Variants in ADAMTS17 observed in about 807,000 individuals in gnomAD.
ADAMTS17 encodes the protein A disintegrin and metalloproteinase with thrombospondin motifs 17.
A neutral mutation model predicts 141.5 loss-of-function variants in ADAMTS17; 113 were observed. That is an observed-to-expected ratio of 0.80 (90% CI 0.69 to 0.93). The LOEUF is 0.93. Ranked by LOEUF, ADAMTS17 falls within the 40% of genes least tolerant of loss-of-function variation. The pLI is 0.00. For missense variants in ADAMTS17, 1,659 were observed against 1,517.9 expected (o/e 1.09, Z -1.54); for synonymous variants, 768 against 630.6 (o/e 1.22, Z -3.27).
intron 8 of ADAMTS17, among the ~76,000 whole-genome samples, chr15:100,197,093 G>A (rs1206418393): frequency 6.6e-6 from 1 of 152,292 alleles, no homozygotes; most frequent in Non-Finnish European, 1.5e-5. Flanking sequence ...GCAGACCTCC[G>A]CTGCAGGGAG....
chr15:100,019,377 T>C (rs929618564), intron 18 of ADAMTS17, among the ~76,000 whole-genome samples: 1 of 152,190 alleles, frequency 6.6e-6, no homozygotes, highest in African/African-American at 2.4e-5. Context: ...GGATGTGAAA[T>C]GAATACAGCG....
chr15:100,075,326 A>G (rs1193218382), intron 15 of ADAMTS17, among the ~76,000 whole-genome samples: 1 of 152,172 alleles, frequency 6.6e-6, no homozygotes, highest in African/African-American at 2.4e-5. Flanking sequence ...TCTCTAATAA[A>G]TTCTTGCTGG....
chr15:100,268,197 C>A (rs1460449852), intron 4 of ADAMTS17, among the ~76,000 whole-genome samples: 1 of 152,070 alleles, frequency 6.6e-6, no homozygotes. Flanking sequence ...ATCTAGTTTA[C>A]CACTGATGGG....
intron 6 of ADAMTS17, among the ~76,000 whole-genome samples, chr15:100,254,666 A>G (rs1018025777): frequency 6.6e-6 from 1 of 152,218 alleles, no homozygotes; most frequent in African/African-American, 2.4e-5. Flanking sequence ...ATGCAGCCAT[A>G]AAAAGGAATG....
intron 4 of ADAMTS17, among the ~76,000 whole-genome samples, chr15:100,267,915 A>G (rs2043775014): frequency 6.6e-6 from 1 of 152,226 alleles, no homozygotes; most frequent in Non-Finnish European, 1.5e-5. Context: ...AAAATATACA[A>G]TTACTGACTA....
intron 4 of ADAMTS17, among the ~76,000 whole-genome samples, chr15:100,267,469 G>A (rs2043756588): frequency 6.6e-6 from 1 of 152,102 alleles, no homozygotes; most frequent in Non-Finnish European, 1.5e-5. Context: ...TCCAGGCTCT[G>A]CTTTTAATTC....
intron 7 of ADAMTS17, among the ~76,000 whole-genome samples, chr15:100,206,547 G>A (rs976338239): frequency 6.6e-6 from 1 of 152,180 alleles, no homozygotes; most frequent in Non-Finnish European, 1.5e-5. Flanking sequence ...ACAGCTTTCA[G>A]CCTCCTCTAT....
intron 15 of ADAMTS17, among the ~76,000 whole-genome samples, chr15:100,086,749 C>T (rs925847349): frequency 4.1e-5 from 6 of 148,146 alleles, no homozygotes; most frequent in Non-Finnish European, 8.9e-5. Context: ...CTACTGGGTA[C>T]ATAACAAAAT....
chr15:100,238,044 A>G (rs550774594), intron 7 of ADAMTS17, among the ~76,000 whole-genome samples: 1 of 152,286 alleles, frequency 6.6e-6, no homozygotes, highest in Admixed American at 6.5e-5. Context: ...GCCCAAGGGT[A>G]CCCAGCTTGC....
chr15:100,166,101 T>A (rs2039941108), intron 8 of ADAMTS17, among the ~76,000 whole-genome samples: 1 of 152,220 alleles, frequency 6.6e-6, no homozygotes. Flanking sequence ...TTTTTTTGAA[T>A]GACCTTGGCA....
chr15:99,997,371 G>C lies in ADAMTS17; in HGVS notation c.2796+14C>G, dbSNP rs1335539073. 1 of 1,613,500 alleles carries C rather than the reference G, an allele frequency of 6.2e-7. No individual in the cohort carries two copies. Among genetic ancestry groups the C allele is most frequent in the East Asian group, 2.2e-5 (1 of 44,876 alleles). On this transcript the variant is annotated intron_variant, in intron 19 of 21. Transcript: ENST00000268070. This position sits in a 1 kb window ranked among gnomAD's most constrained non-coding sequence, Gnocchi z 4.7. Reference sequence around the variant, plus strand: ...CCCTGTGGCTGAGTCCTGGTGGCAAGCCCAGGCACCCACCTGTGACCACTC... The same window carrying C: ...CCCTGTGGCTGAGTCCTGGTGGCAACCCCAGGCACCCACCTGTGACCACTC...
intron 18 of ADAMTS17, among the ~76,000 whole-genome samples, chr15:100,016,316 G>A (rs909168502): frequency 6.6e-6 from 1 of 152,084 alleles, no homozygotes; most frequent in Admixed American, 6.5e-5. Flanking sequence ...TTTCCCTGGT[G>A]CCTCCTTTAT....
At chr15:100,137,668 G>C (rs903361749) in intron 10 of ADAMTS17, among the ~76,000 whole-genome samples, 5 of 152,172 alleles carry the variant, frequency 3.3e-5, no homozygotes, top group African/African-American at 4.8e-5. Flanking sequence ...CCCAAGTAAA[G>C]GAAATATTCG....
intron 12 of ADAMTS17, among the ~76,000 whole-genome samples, chr15:100,121,656 A>T (rs2037458587): frequency 6.6e-6 from 1 of 152,086 alleles, no homozygotes; most frequent in Non-Finnish European, 1.5e-5. Flanking sequence ...AAATGGAGAA[A>T]GTTTGTTACC....
chr15:100,268,031 ATGAG>A (rs1381437433), intron 4 of ADAMTS17, among the ~76,000 whole-genome samples: 1 of 152,204 alleles, frequency 6.6e-6, no homozygotes, highest in African/African-American at 2.4e-5. Flanking sequence ...GCTCCCACTT[ATGAG>A]TGAGAATATG....
chr15:100,031,128 C>T (rs1481364513), intron 18 of ADAMTS17, among the ~76,000 whole-genome samples: 2 of 152,100 alleles, frequency 1.3e-5, no homozygotes, highest in African/African-American at 2.4e-5. Flanking sequence ...GTAACTTGCC[C>T]GTGGGTTTGC....
At position 100,093,647 on chromosome 15, in the gene ADAMTS17, C is replaced by T. The variant is rs532720947; in HGVS notation, c.2137+2709G>A. ...CCACTATCAGCTGATTTCTACTTGTCCTTTAGTGCTGGGGGCCACCCTCAG... is the reference window on the plus strand; with the variant it reads ...CCACTATCAGCTGATTTCTACTTGTTCTTTAGTGCTGGGGGCCACCCTCAG... On this transcript the variant is annotated intron_variant, in intron 15 of 21. Transcript: ENST00000268070. Among the ~76,000 whole-genome samples, 252 of 152,132 alleles carry T rather than the reference C, an allele frequency of 1.7e-3. 1 individual carries two copies. Among genetic ancestry groups the T allele is most frequent in the Admixed American group, 3.5e-3 (54 of 15,286 alleles).
At chr15:100,289,761 A>C (rs2044569089) in intron 3 of ADAMTS17, among the ~76,000 whole-genome samples, 1 of 152,222 alleles carries the variant, frequency 6.6e-6, no homozygotes, top group South Asian at 2.1e-4. Flanking sequence ...ATAAAACCCA[A>C]AGCCATATAA....
At chr15:100,176,559 AT>A (rs1362134426) in intron 8 of ADAMTS17, among the ~76,000 whole-genome samples, 2 of 152,336 alleles carry the variant, frequency 1.3e-5, no homozygotes, top group East Asian at 3.9e-4. Context: ...CAATGGTAAC[AT>A]TTTGGATAAC....
Sources: gnomAD v4.1 joint callset for allele counts (sites outside exome capture counted in the v4.1 genomes callset) on GRCh38, gnomAD v4.1.1 for gene constraint, Gnocchi (gnomAD v3.1) non-coding constraint, MANE v1.5 for transcripts, NCBI Gene and HGNC (gene_info 2026-07-23, HGNC 2026-07-21) for gene names.